EPHA4: variants seen among roughly 807,000 people sequenced by gnomAD.
EPHA4 encodes EPH receptor A4, also known as ephrin type-A receptor 4.
A neutral mutation model predicts 108.3 loss-of-function variants in EPHA4; 19 were observed. The observed-to-expected ratio is 0.18, with a 90% CI of 0.12 to 0.26. The LOEUF (loss-of-function observed/expected upper bound fraction) is 0.26. EPHA4 is among the 10% of genes least tolerant of loss of function. EPHA4 has a pLI of 1.00. For synonymous variants in EPHA4, 449 were observed against 455.5 expected, an observed-to-expected ratio of 0.99 and a Z score of 0.18; for missense variants, 917 against 1,254.0, an observed-to-expected ratio of 0.73 and a Z score of 4.06.
chr2:221,544,863 C>T (rs1344195550), intron 3 of EPHA4, among the ~76,000 whole-genome samples: 1 of 152,156 alleles, frequency 6.6e-6, no homozygotes, highest in African/African-American at 2.4e-5. Flanking sequence ...GCTCTCTCGA[C>T]TCTACCCTAA....
At chr2:221,458,462 G>A (rs1691031070) in intron 5 of EPHA4, among the ~76,000 whole-genome samples, 1 of 152,144 alleles carries the variant, frequency 6.6e-6, no homozygotes, top group South Asian at 2.1e-4. Context: ...AAGTACTGTA[G>A]GGAATGCCAA....
rs1316758323 is a variant in EPHA4 at position 221,461,114 on chromosome 2, G to C, written c.1319-3124C>G. ...ATTAGCCAGTGCTAGAGAAACAAAG[G>C]ATATATGGGCACCCGCTTGAGATTC... On this transcript the variant is annotated intron_variant, in intron 5 of 17. Coordinates refer to ENST00000281821, the MANE Select transcript of EPHA4 (RefSeq NM_004438.5). Among the ~76,000 whole-genome samples the C allele has an allele frequency of 6.6e-5, 10 of 152,288 alleles. No homozygotes were observed. In the East Asian group the frequency reaches 1.9e-3, roughly 29 times the overall value.
intron 3 of EPHA4, among the ~76,000 whole-genome samples, chr2:221,521,123 A>G (rs1464083734): frequency 6.6e-6 from 1 of 152,238 alleles, no homozygotes; most frequent in Non-Finnish European, 1.5e-5. Flanking sequence ...TGTTAACCCA[A>G]GGATAATTCT....
intron 17 of EPHA4, among the ~76,000 whole-genome samples, chr2:221,421,069 G>A (rs1689746206): frequency 6.6e-6 from 1 of 152,138 alleles, no homozygotes; most frequent in Admixed American, 6.6e-5. Flanking sequence ...GAGCCGAGGT[G>A]GGCGGATCAC....
At chr2:221,434,739 A>G (rs1690179606) in intron 13 of EPHA4, among the ~76,000 whole-genome samples, 1 of 152,210 alleles carries the variant, frequency 6.6e-6, no homozygotes, top group Admixed American at 6.5e-5. Context: ...ATTTCTATCC[A>G]TCACACAAGT....
intron 8 of EPHA4, among the ~76,000 whole-genome samples, chr2:221,448,615 C>T (rs1172295129): frequency 6.6e-6 from 1 of 152,086 alleles, no homozygotes; most frequent in Non-Finnish European, 1.5e-5. Flanking sequence ...ACTAAAATAA[C>T]ATTTTATGTC....
intron 17 of EPHA4, among the ~76,000 whole-genome samples, chr2:221,423,662 G>C (rs1001583845): frequency 3.3e-5 from 5 of 151,684 alleles, no homozygotes; most frequent in African/African-American, 7.3e-5. Context: ...ATATAATGTT[G>C]TTAGGCTATT....
At chr2:221,549,464 C>T (rs1207074019) in intron 3 of EPHA4, among the ~76,000 whole-genome samples, 1 of 152,186 alleles carries the variant, frequency 6.6e-6, no homozygotes, top group Non-Finnish European at 1.5e-5. Flanking sequence ...GGCTGTTGGT[C>T]TCTCAATAAA....
chr2:221,471,000 A>T (rs914280213), intron 5 of EPHA4, among the ~76,000 whole-genome samples: 1 of 152,118 alleles, frequency 6.6e-6, no homozygotes, highest in Admixed American at 6.6e-5. Context: ...TTTTTAGAGT[A>T]TCAGCTAGAA....
intron 13 of EPHA4, 125 bp downstream of exon 13, chr2:221,436,274 G>A: frequency 1.3e-6 from 1 of 795,258 alleles, no homozygotes; most frequent in Non-Finnish European, 1.9e-6. Flanking sequence ...GCAGGAATAT[G>A]AGGAGGCTTC....
At chr2:221,500,820 CACTGAAGGCA>C (rs1692464176) in intron 4 of EPHA4, among the ~76,000 whole-genome samples, 187 bp downstream of exon 4, 1 of 152,216 alleles carries the variant, frequency 6.6e-6, no homozygotes, top group African/African-American at 2.4e-5. Context: ...CAGCTGTGCA[CACTGAAGGCA>C]ACCAGAAGCA....
intron 13 of EPHA4, among the ~76,000 whole-genome samples, chr2:221,435,939 A>AC (rs1287956378): frequency 2.7e-5 from 4 of 147,438 alleles, no homozygotes; most frequent in African/African-American, 2.5e-5. Context: ...AACAACAACA[A>AC]AAAAAAAAAA....
chr2:221,518,886 A>T (rs1322004681), intron 3 of EPHA4, among the ~76,000 whole-genome samples: 2 of 152,186 alleles, frequency 1.3e-5, no homozygotes, highest in Non-Finnish European at 2.9e-5. Flanking sequence ...GCTTGGGAGC[A>T]CTTGTCTCCC....
chr2:221,493,981 T>C (rs1280576483), intron 4 of EPHA4, among the ~76,000 whole-genome samples: 1 of 152,232 alleles, frequency 6.6e-6, no homozygotes, highest in African/African-American at 2.4e-5. Flanking sequence ...CTTTGTTTGT[T>C]TGGCACATTC....
chr2:221,464,780 T>C lies in EPHA4; in HGVS notation c.1319-6790A>G, dbSNP rs1349794150. 2.0e-5 allele frequency among the ~76,000 whole-genome samples: 3 copies of C among 152,170 alleles called. 1 individual carries two copies. The highest frequency in any genetic ancestry group is 7.2e-5 in the African/African-American group (3 of 41,450). ...AAGTCAGCTCCACCCCCAACAGCTT[T>C]TAGTTGCTACATCATGCATCCACAC... is the stretch of plus-strand genomic sequence containing the variant. On this transcript the variant is annotated intron_variant, in intron 5 of 17. Transcript: ENST00000281821.
At chr2:221,520,990 T>A (rs1693149318) in intron 3 of EPHA4, among the ~76,000 whole-genome samples, 1 of 152,248 alleles carries the variant, frequency 6.6e-6, no homozygotes, top group Non-Finnish European at 1.5e-5. Context: ...CTATAACTTA[T>A]GTTTTGTTAT....
chr2:221,535,430 A>G (rs1693640300), intron 3 of EPHA4, among the ~76,000 whole-genome samples: 1 of 152,240 alleles, frequency 6.6e-6, no homozygotes, highest in Non-Finnish European at 1.5e-5. Context: ...CCATTCTTAC[A>G]GCTACTAAAA....
intron 5 of EPHA4, among the ~76,000 whole-genome samples, chr2:221,471,129 T>C (rs1018362714): frequency 1.3e-4 from 20 of 152,264 alleles, no homozygotes; most frequent in African/African-American, 4.1e-4. Flanking sequence ...TTCAACTGGA[T>C]CTGTGTTTGA....
chr2:221,566,960 AGAG>A lies in EPHA4; in HGVS notation c.159+1755_159+1757del, dbSNP rs1347449466. Among the ~76,000 whole-genome samples, 162 of 99,156 alleles carry A rather than the reference AGAG, an allele frequency of 1.6e-3. 46 individuals carry two copies. The highest frequency in any genetic ancestry group is 3.0e-3 in the African/African-American group (72 of 24,288). The allele number at this position is 99,156 out of a possible 152,430, so 65.1% of individuals were successfully genotyped here. On this transcript the variant is annotated intron_variant, in intron 2 of 17. Transcript: ENST00000281821. ...AAGGAGAAGGAGAAGGAGAAGGGGA[AGAG>A]GAAGAGGAAGAAGAAGAAGAAGAAG...
Sources: gnomAD v4.1 joint callset for allele counts (sites outside exome capture counted in the v4.1 genomes callset) on GRCh38, gnomAD v4.1.1 for gene constraint, MANE v1.5 for transcripts, NCBI Gene and HGNC (gene_info 2026-07-23, HGNC 2026-07-21) for gene names.